Variants in KIAA0930 observed in about 807,000 individuals in gnomAD.
KIAA0930 encodes the protein KIAA0930, also known as uncharacterized protein KIAA0930.
In KIAA0930, 24 loss-of-function variants were observed where a neutral mutation model predicts 43.9. The observed-to-expected ratio is 0.55, with a 90% CI of 0.40 to 0.77. The LOEUF (loss-of-function observed/expected upper bound fraction) is 0.77. Ranked by LOEUF, KIAA0930 falls within the 30% of genes least tolerant of loss-of-function variation. KIAA0930 has a pLI of 0.00. For synonymous variants in KIAA0930, 259 were observed against 216.4 expected (o/e 1.20, Z -1.73); for missense variants, 461 against 574.2 (o/e 0.80, Z 2.02).
At position 45,200,284 on chromosome 22, in the gene KIAA0930, G is replaced by A. The variant is rs560513328; in HGVS notation, c.853-249C>T. 442 of 424,288 alleles carry A rather than the reference G, an allele frequency of 1.0e-3. 2 individuals are homozygous for A. The highest frequency in any genetic ancestry group is 7.4e-3 in the African/African-American group (362 of 48,628). 26.3% of individuals were successfully genotyped at this position (424,288 alleles called of 1,614,324 possible). Reference sequence around the variant, plus strand: ...CCCGAGGAGGGGCCAGGCTGCTGCCGCAAATGGCAGAAAGACCCCCCTCCT... The same window carrying A: ...CCCGAGGAGGGGCCAGGCTGCTGCCACAAATGGCAGAAAGACCCCCCTCCT... On this transcript the variant is annotated intron_variant, in intron 7 of 9. Transcript: ENST00000336156.
chr22:45,226,067 G>A lies in KIAA0930; in HGVS notation c.65-13960C>T, dbSNP rs980318727. ...AGCGCAGGGCAGTATCCACCACAGAGAGCCAGTGAACGACAAGAAACACAG... is the reference window on the plus strand; with the variant it reads ...AGCGCAGGGCAGTATCCACCACAGAAAGCCAGTGAACGACAAGAAACACAG... On this transcript the variant is annotated intron_variant, in intron 1 of 9. Coordinates refer to ENST00000336156, the MANE Select transcript of KIAA0930 (RefSeq NM_001009880.2). The A allele has an allele frequency of 7.3e-5, 26 of 358,338 alleles. No homozygotes were observed. The Admixed American group carries it at 9.0e-4, about 12-fold the overall frequency. The allele number at this position is 358,338 out of a possible 1,614,324, so 22.2% of individuals were successfully genotyped here.
At chr22:45,212,128 GGAGT>G (rs774265349) in intron 1 of KIAA0930, 21 bp from the exon 2 acceptor site, 2 of 1,613,728 alleles carry the variant, frequency 1.2e-6, no homozygotes, top group South Asian at 2.2e-5. Context: ...AGGCCAGACA[GGAGT>G]GAGGAAGGAC....
At position 45,195,827 on chromosome 22, in the gene KIAA0930, A is replaced by G. The variant is rs2147730484; in HGVS notation, c.*1349T>C. On this transcript the variant is annotated 3_prime_UTR_variant, in exon 10 of 10. Transcript: ENST00000336156. Reference sequence around the variant, plus strand: ...TCACAGGTGGGCAAACTGAGGCAGAATGAAATGCAATAGCTCGCTTTTAAT... The same window carrying G: ...TCACAGGTGGGCAAACTGAGGCAGAGTGAAATGCAATAGCTCGCTTTTAAT... The G allele has an allele frequency of 6.5e-6, 1 of 152,726 alleles. No individual in the cohort carries two copies. Among genetic ancestry groups the G allele is most frequent in the East Asian group, 1.9e-4 (1 of 5,184 alleles). The allele number at this position is 152,726 out of a possible 1,614,324, so 9.5% of individuals were successfully genotyped here. A position where few individuals can be genotyped will look rare whatever the true frequency, so the allele number is the denominator to read the frequency against.
chr22:45,228,055 C>T (rs2083813880), intron 1 of KIAA0930, among the ~76,000 whole-genome samples: 1 of 152,158 alleles, frequency 6.6e-6, no homozygotes, highest in African/African-American at 2.4e-5. Context: ...GAGGGACCTG[C>T]AGATAGAGCT....
At position 45,194,137 on chromosome 22, in the gene KIAA0930, T is replaced by G. The variant is rs2742643; in HGVS notation, c.*3039A>C. 7.5e-6 allele frequency: 1 copy of G among 133,422 alleles called. No homozygotes were observed. Among genetic ancestry groups the G allele is most frequent in the South Asian group, 2.7e-4 (1 of 3,756 alleles). 8.3% of individuals were successfully genotyped at this position (133,422 alleles called of 1,614,324 possible). A position where few individuals can be genotyped will look rare whatever the true frequency, so the allele number is the denominator to read the frequency against. ...TTGCCCAGGCTAGAATGCAATGGCG[T>G]GATCTCGGCTCACTGCAACCTCTGC... On this transcript the variant is annotated 3_prime_UTR_variant, in exon 10 of 10. Transcript: ENST00000336156.
intron 1 of KIAA0930, chr22:45,226,328 TTGGGCTTCGTATCCAGTTCTG>T (rs1198704336): frequency 2.1e-6 from 1 of 470,604 alleles, no homozygotes; most frequent in Non-Finnish European, 4.4e-6. Flanking sequence ...GCTCGTGGGG[TTGGGCTTCGTATCCAGTTCTG>T]TGGGCCTGCT....
chr22:45,204,045 G>A, intron 5 of KIAA0930, 60 bp from the exon 6 acceptor site: 2 of 1,603,272 alleles, frequency 1.2e-6, no homozygotes, highest in Non-Finnish European at 1.7e-6. Context: ...CCACACCACA[G>A]CCTGGCCCAA....
intron 4 of KIAA0930, 58 bp downstream of exon 4, chr22:45,205,572 G>A: frequency 1.3e-6 from 2 of 1,530,682 alleles, no homozygotes; most frequent in Non-Finnish European, 1.8e-6. Flanking sequence ...GTCTCTCTCT[G>A]CCACGCCCAG....
rs868345786 is a variant in KIAA0930 at position 45,208,439 on chromosome 22, A to G, written c.217-2527T>C. On this transcript the variant is annotated intron_variant, in intron 2 of 9. Transcript: ENST00000336156. ...CGAGCTGTGAGAACAGGCAGAACCC[A>G]ACTCCACACGCAGGAGCTGTGAGAA... is the stretch of plus-strand genomic sequence containing the variant. Among the ~76,000 whole-genome samples the G allele has an allele frequency of 2.5e-3, 220 of 89,568 alleles. 1 individual carries two copies. The highest frequency in any genetic ancestry group is 6.2e-3 in the East Asian group (18 of 2,916). The allele number at this position is 89,568 out of a possible 152,430, so 58.8% of individuals were successfully genotyped here.
At chr22:45,199,397 G>C (rs2235159) in intron 8 of KIAA0930, among the ~76,000 whole-genome samples, 57,480 of 152,006 alleles carry the variant, frequency 0.38, 11,039 homozygotes, top group East Asian at 0.46. Context: ...GGTGGCGACT[G>C]TGTCACCAAA....
At chr22:45,224,148 G>T (rs2083784436) in intron 1 of KIAA0930, among the ~76,000 whole-genome samples, 1 of 152,144 alleles carries the variant, frequency 6.6e-6, no homozygotes, top group African/African-American at 2.4e-5. Flanking sequence ...AAACGCTCAT[G>T]GTAGAGGAAA....
intron 8 of KIAA0930, among the ~76,000 whole-genome samples, chr22:45,199,659 T>C (rs1361492922): frequency 6.6e-6 from 1 of 152,158 alleles, no homozygotes; most frequent in Non-Finnish European, 1.5e-5. Context: ...AGGAGACGCC[T>C]GAGCCCACCA....
At chr22:45,202,315 C>T (rs548005726) in intron 7 of KIAA0930, among the ~76,000 whole-genome samples, 74 of 152,382 alleles carry the variant, frequency 4.9e-4, no homozygotes, top group African/African-American at 1.7e-3. Context: ...AACAAAGCTG[C>T]TGCTGACCTC....
chr22:45,196,964 C>T lies in KIAA0930; in HGVS notation c.*212G>A, dbSNP rs941888823. ...GGGGCGATGGGCGGGGGGCACAGGGCGGAGCAGCGCCAGCAGGGGAGGGAA... is the reference window on the plus strand; with the variant it reads ...GGGGCGATGGGCGGGGGGCACAGGGTGGAGCAGCGCCAGCAGGGGAGGGAA... On this transcript the variant is annotated 3_prime_UTR_variant, in exon 10 of 10. Coordinates refer to ENST00000336156, the MANE Select transcript of KIAA0930 (RefSeq NM_001009880.2). This position sits in a 1 kb window ranked among gnomAD's most constrained non-coding sequence, Gnocchi z 4.1. 73 of 534,552 alleles carry T rather than the reference C, an allele frequency of 1.4e-4. No individual in the cohort carries two copies. The highest frequency in any genetic ancestry group is 2.0e-4 in the Non-Finnish European group (61 of 303,018). The allele number at this position is 534,552 out of a possible 1,614,324, so 33.1% of individuals were successfully genotyped here. A position where few individuals can be genotyped will look rare whatever the true frequency, so the allele number is the denominator to read the frequency against.
chr22:45,223,372 G>A (rs1220864761), intron 1 of KIAA0930, among the ~76,000 whole-genome samples: 1 of 152,244 alleles, frequency 6.6e-6, no homozygotes, highest in African/African-American at 2.4e-5. Flanking sequence ...GAAGAGAAGG[G>A]AGGTGAGGAA....
chr22:45,235,614 C>T (rs985261053), intron 1 of KIAA0930, among the ~76,000 whole-genome samples: 5 of 152,220 alleles, frequency 3.3e-5, no homozygotes, highest in Non-Finnish European at 7.3e-5. Flanking sequence ...TAAATACAAC[C>T]CTGATTCCAC....
At position 45,205,074 on chromosome 22, in the gene KIAA0930, A is replaced by C. The variant is rs1166041380; in HGVS notation, c.516+143T>G. 16 of 665,774 alleles carry C rather than the reference A, an allele frequency of 2.4e-5. No homozygotes were observed. In the East Asian group the frequency reaches 3.2e-4, roughly 13 times the overall value. 41.2% of individuals were successfully genotyped at this position (665,774 alleles called of 1,614,324 possible). ...CCACAAGCAAACACTGGGAAGAGAG[A>C]GAGCCACATCTGCCTCAGCCGGACT... On this transcript the variant is annotated intron_variant, in intron 5 of 9. Transcript: ENST00000336156.
intron 1 of KIAA0930, among the ~76,000 whole-genome samples, chr22:45,227,544 G>A (rs925318650): frequency 2.0e-5 from 3 of 152,130 alleles, no homozygotes; most frequent in African/African-American, 7.2e-5. Context: ...TGCTGCTATG[G>A]GACCCTGCAC....
rs1030007874 is a variant in KIAA0930, at chr22:45,196,810, G to A, written c.*366C>T. ...GGCTGGGTGGTTCCGCCTGCTGCTG[G>A]GGGGACGTGAACATAGACCCGCCGC... On this transcript the variant is annotated 3_prime_UTR_variant, in exon 10 of 10. Transcript: ENST00000336156. The surrounding 1 kb of genome is among the most constrained non-coding windows in gnomAD (Gnocchi z 4.1). 8 of 243,326 alleles carry A rather than the reference G, an allele frequency of 3.3e-5. No homozygotes were observed. The highest frequency in any genetic ancestry group is 2.1e-4 in the South Asian group (2 of 9,656). The allele number at this position is 243,326 out of a possible 1,614,324, so 15.1% of individuals were successfully genotyped here.
Sources: allele counts gnomAD v4.1 joint callset (sites outside exome capture counted in the v4.1 genomes callset), GRCh38; gene constraint gnomAD v4.1.1; non-coding constraint Gnocchi (gnomAD v3.1); transcripts MANE v1.5; gene names NCBI Gene and HGNC (gene_info 2026-07-23, HGNC 2026-07-21).